Variants in SEL1L2 observed in about 807,000 individuals in gnomAD.
SEL1L2 encodes the protein protein sel-1 homolog 2.
SEL1L2 carries 89 observed loss-of-function variants against 98.8 expected under a neutral mutation model. The observed-to-expected ratio is 0.90, with a 90% CI of 0.76 to 1.07. The LOEUF (loss-of-function observed/expected upper bound fraction) is 1.07. Among genes scored for constraint, SEL1L2 ranks in the 50% least tolerant of loss-of-function variants. The pLI is 0.00. For synonymous variants in SEL1L2, 262 were observed against 278.5 expected (o/e 0.94, Z 0.59); for missense variants, 788 against 812.0 (o/e 0.97, Z 0.36).
chr20:13,937,894 G>T (rs73900776), intron 2 of SEL1L2, among the ~76,000 whole-genome samples: 22,943 of 152,114 alleles, frequency 0.15, 1,924 homozygotes, highest in Admixed American at 0.22. Context: ...TTTGAGGAAA[G>T]AAAGTTTGAA....
At chr20:13,918,966 C>T in intron 4 of SEL1L2, 55 bp downstream of exon 4, 1 of 1,262,674 alleles carries the variant, frequency 7.9e-7, no homozygotes, top group Non-Finnish European at 1.1e-6. Context: ...TGGGATTTTT[C>T]TTTTTTCTTA....
chr20:13,950,998 C>G (rs1443032501), intron 2 of SEL1L2, among the ~76,000 whole-genome samples: 1 of 151,956 alleles, frequency 6.6e-6, no homozygotes, highest in Admixed American at 6.6e-5. Context: ...GATTAGAGGC[C>G]GGGCGCGGTG....
chr20:13,963,393 A>C (rs2050873943), intron 1 of SEL1L2, among the ~76,000 whole-genome samples: 1 of 1,142 alleles, frequency 8.8e-4, no homozygotes, highest in Admixed American at 0.01. Context: ...TGGAGCAGCA[A>C]AAAAAAAAAA....
chr20:13,985,645 T>A (rs2052131974), intron 1 of SEL1L2, among the ~76,000 whole-genome samples: 1 of 152,206 alleles, frequency 6.6e-6, no homozygotes, highest in African/African-American at 2.4e-5. Context: ...TATTCTTATA[T>A]CCCCAATACT....
At chr20:13,890,527 C>T (rs1293058333) in intron 5 of SEL1L2, among the ~76,000 whole-genome samples, 1 of 151,978 alleles carries the variant, frequency 6.6e-6, no homozygotes, top group Non-Finnish European at 1.5e-5. Context: ...CTTTCACATA[C>T]GAAGCTAGTC....
chr20:13,966,737 T>C (rs1185886422), intron 1 of SEL1L2, among the ~76,000 whole-genome samples: 2 of 152,196 alleles, frequency 1.3e-5, no homozygotes, highest in Non-Finnish European at 2.9e-5. Context: ...AAAATGGGAA[T>C]AGAAATACTG....
chr20:13,946,147 C>A (rs1337361830), intron 2 of SEL1L2, among the ~76,000 whole-genome samples: 1 of 151,868 alleles, frequency 6.6e-6, no homozygotes, highest in Non-Finnish European at 1.5e-5. Flanking sequence ...ATAAATTTAT[C>A]TAGGGAAAAG....
chr20:13,901,392 T>TA (rs2047674974), intron 5 of SEL1L2, among the ~76,000 whole-genome samples: 1 of 152,182 alleles, frequency 6.6e-6, no homozygotes, highest in African/African-American at 2.4e-5. Context: ...TTAAAACACG[T>TA]AAAGCTGTAT....
intron 10 of SEL1L2, among the ~76,000 whole-genome samples, chr20:13,883,793 C>T (rs1288824046): frequency 6.6e-6 from 1 of 152,194 alleles, no homozygotes; most frequent in Non-Finnish European, 1.5e-5. Flanking sequence ...TTTGTCTTCC[C>T]TACAGCTGAA....
chr20:13,886,107 C>G (rs189493458), intron 9 of SEL1L2, among the ~76,000 whole-genome samples, 181 bp downstream of exon 9: 201 of 152,096 alleles, frequency 1.3e-3, no homozygotes, highest in African/African-American at 4.5e-3. Flanking sequence ...ACTAGTTCTC[C>G]AGTGGGCTAC....
intron 5 of SEL1L2, among the ~76,000 whole-genome samples, chr20:13,899,414 T>C (rs2047568665): frequency 6.6e-6 from 1 of 152,218 alleles, no homozygotes; most frequent in Admixed American, 6.5e-5. Flanking sequence ...GCATGTATTA[T>C]AATTATTTAT....
At chr20:13,931,823 A>C (rs757999270) in intron 2 of SEL1L2, 52 bp from the exon 3 acceptor site, 1 of 1,375,110 alleles carries the variant, frequency 7.3e-7, no homozygotes, top group South Asian at 1.6e-5. Flanking sequence ...GTTTTTTTCA[A>C]ATGAAACAAC....
At chr20:13,948,788 A>G (rs2050130245) in intron 2 of SEL1L2, among the ~76,000 whole-genome samples, 1 of 152,256 alleles carries the variant, frequency 6.6e-6, no homozygotes, top group South Asian at 2.1e-4. Context: ...AAAACCAGTG[A>G]TTGAGACAAC....
intron 12 of SEL1L2, among the ~76,000 whole-genome samples, chr20:13,873,454 C>T (rs929573141): frequency 1.3e-5 from 2 of 151,778 alleles, no homozygotes; most frequent in South Asian, 2.1e-4. Context: ...CTCTTCCTCC[C>T]GGGTTTAAGT....
intron 18 of SEL1L2, among the ~76,000 whole-genome samples, chr20:13,853,211 T>G (rs1988560007): frequency 6.6e-6 from 1 of 152,156 alleles, no homozygotes; most frequent in South Asian, 2.1e-4. Flanking sequence ...TAATTTTTTT[T>G]TTTTGAAAAC....
At chr20:13,855,049 C>CAAAA (rs71188190) in intron 18 of SEL1L2, among the ~76,000 whole-genome samples, 3 of 81,090 alleles carry the variant, frequency 3.7e-5, no homozygotes, top group South Asian at 5.0e-4. Context: ...GACTCCGTCT[C>CAAAA]AAAAAAAAAA....
intron 10 of SEL1L2, among the ~76,000 whole-genome samples, chr20:13,879,647 C>T (rs1435537134): frequency 1.3e-5 from 2 of 152,130 alleles, no homozygotes; most frequent in African/African-American, 4.8e-5. Context: ...GCCATCACAC[C>T]TAGACGTAAG....
intron 4 of SEL1L2, chr20:13,915,077 A>C (rs2048346875): frequency 7.9e-7 from 1 of 1,261,102 alleles, no homozygotes; most frequent in Non-Finnish European, 1.0e-6. Context: ...AAACCCCATA[A>C]AAATCTACCA....
At chr20:13,901,525 A>C (rs1396056131) in intron 5 of SEL1L2, among the ~76,000 whole-genome samples, 1 of 152,068 alleles carries the variant, frequency 6.6e-6, no homozygotes, top group African/African-American at 2.4e-5. Context: ...GAGACTTGTA[A>C]TTTTATAAAA....
Sources: allele counts gnomAD v4.1 joint callset (sites outside exome capture counted in the v4.1 genomes callset), GRCh38; gene constraint gnomAD v4.1.1; transcripts MANE v1.5; gene names NCBI Gene and HGNC (gene_info 2026-07-23, HGNC 2026-07-21).